Variants in USH2A observed in about 807,000 individuals in gnomAD.
USH2A encodes the protein usherin.
USH2A carries 443 observed loss-of-function variants against 538.9 expected under a neutral mutation model. That is an observed-to-expected ratio of 0.82 (90% CI 0.76 to 0.89). The LOEUF is 0.89. USH2A is among the 40% of genes least tolerant of loss of function. The probability of loss-of-function intolerance (pLI) is 0.00; values close to 1 mark genes in which losing one functional copy is unlikely to be tolerated. For missense variants in USH2A, 6,633 were observed against 6,324.8 expected, an observed-to-expected ratio of 1.05 and a Z score of -1.65; for synonymous variants, 2,413 against 2,273.5, an observed-to-expected ratio of 1.06 and a Z score of -1.75.
chr1:216,174,091 A>G (rs1424647737), intron 21 of USH2A: 2 of 985,220 alleles, frequency 2.0e-6, no homozygotes, highest in Admixed American at 6.2e-5. Flanking sequence ...GAATATAATC[A>G]TGATTCATTA....
At chr1:215,870,289 T>TTA (rs1553271288) in intron 43 of USH2A, among the ~76,000 whole-genome samples, 2 of 147,606 alleles carry the variant, frequency 1.4e-5, no homozygotes, top group African/African-American at 5.1e-5. Context: ...TATTTTTTAT[T>TTA]TTTTTTTTAT....
At chr1:215,666,303 T>C (rs1657600485) in intron 64 of USH2A, among the ~76,000 whole-genome samples, 1 of 152,088 alleles carries the variant, frequency 6.6e-6, no homozygotes, top group African/African-American at 2.4e-5. Context: ...TTAAAATAAA[T>C]TATATGAGTA....
Position 215,844,337 on chromosome 1 carries a change from A to C in USH2A, c.9215T>G (p.Phe3072Cys). The change falls in exon 46 of 72, where the codon TTT (phenylalanine) becomes TGT (cysteine). Residue 3072 changes from phenylalanine (F) to cysteine (C), a missense_variant. Transcript: ENST00000307340. ...YKTGMNVPGSFILRDLSPFTI... is the reference protein window; with the variant it reads ...YKTGMNVPGSCILRDLSPFTI... ...GAAGGGAGACAGGTCTCTCAGAATA[A>C]ACGACCCAGGCACATTCATTCCAGT... 1 of 1,613,730 alleles carries C rather than the reference A, an allele frequency of 6.2e-7. No individual in the cohort carries two copies. Among genetic ancestry groups the C allele is most frequent in the Middle Eastern group, 1.7e-4 (1 of 6,054 alleles).
chr1:216,151,331 A>G (rs1468984167), intron 21 of USH2A, among the ~76,000 whole-genome samples: 3 of 152,008 alleles, frequency 2.0e-5, no homozygotes, highest in African/African-American at 7.2e-5. Context: ...TCCTCTACCT[A>G]CATGTGTCTA....
chr1:216,247,623 A>G (rs2036078877), intron 12 of USH2A, among the ~76,000 whole-genome samples: 2 of 152,170 alleles, frequency 1.3e-5, no homozygotes. Flanking sequence ...GAAATCTCTA[A>G]AGATGTTTAA....
chr1:215,943,632 A>G (rs1306383673), intron 37 of USH2A, among the ~76,000 whole-genome samples: 2 of 152,182 alleles, frequency 1.3e-5, no homozygotes, highest in African/African-American at 4.8e-5. Flanking sequence ...CAGTGAAACA[A>G]TGGCTCACAG....
At chr1:216,068,973 G>A (rs2031470889) in intron 30 of USH2A, among the ~76,000 whole-genome samples, 1 of 152,090 alleles carries the variant, frequency 6.6e-6, no homozygotes, top group South Asian at 2.1e-4. Context: ...TCAGCTGAGT[G>A]GGATGAGAAA....
chr1:216,009,365 C>T (rs1344082460), intron 32 of USH2A, among the ~76,000 whole-genome samples: 3 of 152,138 alleles, frequency 2.0e-5, no homozygotes, highest in Non-Finnish European at 2.9e-5. Flanking sequence ...TTATTTTCTT[C>T]TGCAATACCG....
At chr1:216,266,524 C>G (rs1320906729) in intron 11 of USH2A, among the ~76,000 whole-genome samples, 1 of 152,040 alleles carries the variant, frequency 6.6e-6, no homozygotes, top group Non-Finnish European at 1.5e-5. Flanking sequence ...GGATTCAAAA[C>G]TTTAACTTCC....
chr1:215,875,559 A>G (rs74855041), intron 43 of USH2A, among the ~76,000 whole-genome samples: 8,577 of 152,176 alleles, frequency 0.056, 316 homozygotes, highest in Non-Finnish European at 0.083. Flanking sequence ...AAGAATCCTT[A>G]GAGGAATCAC....
intron 22 of USH2A, among the ~76,000 whole-genome samples, chr1:216,089,728 CAT>C (rs1458488697): frequency 6.6e-6 from 1 of 151,528 alleles, no homozygotes; most frequent in African/African-American, 2.4e-5. Context: ...CTAAGGTAAT[CAT>C]ATAATAGTTA....
At chr1:216,415,962 C>T (rs758955560) in intron 3 of USH2A, among the ~76,000 whole-genome samples, 2 of 151,920 alleles carry the variant, frequency 1.3e-5, no homozygotes, top group Admixed American at 6.6e-5. Context: ...GTCAGGAATT[C>T]GAGACCAGCC....
chr1:216,409,168 AG>A (rs1182069387), intron 3 of USH2A, among the ~76,000 whole-genome samples: 1 of 152,152 alleles, frequency 6.6e-6, no homozygotes, highest in Non-Finnish European at 1.5e-5. Context: ...TTAACCAGGG[AG>A]GGGAAAGATC....
At chr1:216,260,526 T>G (rs191522702) in intron 11 of USH2A, among the ~76,000 whole-genome samples, 6 of 152,178 alleles carry the variant, frequency 3.9e-5, no homozygotes, top group Non-Finnish European at 8.8e-5. Context: ...AGCCAGGGAT[T>G]CTGCTAAACA....
chr1:215,752,663 CA>C lies in USH2A; in HGVS notation c.11389+5931del, dbSNP rs140758326. 5.2e-3 allele frequency among the ~76,000 whole-genome samples: 794 copies of C among 152,306 alleles called. 7 individuals are homozygous for C. The highest frequency in any genetic ancestry group is 0.018 in the African/African-American group (756 of 41,566). Reference sequence around the variant, plus strand: ...TGTTGCAATGTGGATATTTTCCCTTCAGGGGCTCACCACTTCCACAAATAAT... The same window carrying C: ...TGTTGCAATGTGGATATTTTCCCTTCGGGGCTCACCACTTCCACAAATAAT... On this transcript the variant is annotated intron_variant, in intron 58 of 71. Transcript: ENST00000307340.
intron 44 of USH2A, among the ~76,000 whole-genome samples, 186 bp from the exon 45 acceptor site, chr1:215,846,219 T>G (rs1663843072): frequency 6.6e-6 from 1 of 152,170 alleles, no homozygotes; most frequent in African/African-American, 2.4e-5. Context: ...TTTATTTTAT[T>G]TATTTATTTT....
chr1:216,320,193 C>A (rs946983673), intron 9 of USH2A, among the ~76,000 whole-genome samples: 4 of 152,020 alleles, frequency 2.6e-5, no homozygotes, highest in Non-Finnish European at 4.4e-5. Context: ...GCCTTCCCTT[C>A]AGCAGTGAGA....
chr1:215,661,960 A>G (rs1444755350), intron 64 of USH2A, among the ~76,000 whole-genome samples: 2 of 152,298 alleles, frequency 1.3e-5, no homozygotes, highest in East Asian at 3.9e-4. Context: ...TTATGGATAC[A>G]TTATTCATGG....
chr1:216,364,981 A>G lies in USH2A; in HGVS notation c.756T>C (p.Gly252=), dbSNP rs1341546803. 2 of 1,613,698 alleles carry G rather than the reference A, an allele frequency of 1.2e-6. No individual in the cohort carries two copies. ...LSGSITDFAS[G]TVQIGQSLNG... is the part of the protein sequence containing the mutation. ...TTAAACTCTGTCCTATTTGCACAGT[A>G]CCAGATGCAAAATCTGTAATTGAAC... is the stretch of plus-strand genomic sequence containing the variant. The change falls in exon 4 of 72, where the codon GGT becomes GGC. Residue 252 remains glycine, a synonymous_variant. Coordinates refer to ENST00000307340, the MANE Select transcript of USH2A (RefSeq NM_206933.4).
Sources: gnomAD v4.1 joint callset for allele counts (sites outside exome capture counted in the v4.1 genomes callset) on GRCh38, gnomAD v4.1.1 for gene constraint, MANE v1.5 for transcripts, NCBI Gene and HGNC (gene_info 2026-07-23, HGNC 2026-07-21) for gene names.